Variants in PCDH15 observed in about 807,000 individuals in gnomAD.
PCDH15 encodes the protein protocadherin-15.
A neutral mutation model predicts 178.5 loss-of-function variants in PCDH15; 129 were observed. That is an observed-to-expected ratio of 0.72 (90% CI 0.63 to 0.84). The LOEUF is 0.84. Ranked by LOEUF, PCDH15 falls within the 40% of genes least tolerant of loss-of-function variation. The probability of loss-of-function intolerance (pLI) is 0.00; values close to 1 mark genes in which losing one functional copy is unlikely to be tolerated. For synonymous variants in PCDH15, 800 were observed against 732.0 expected (o/e 1.09, Z -1.50); for missense variants, 2,230 against 2,099.9 (o/e 1.06, Z -1.21).
At chr10:55,176,731 C>T (rs1316569791) in intron 1 of PCDH15, among the ~76,000 whole-genome samples, 1 of 152,092 alleles carries the variant, frequency 6.6e-6, no homozygotes, top group Non-Finnish European at 1.5e-5. Context: ...CCTGCTAACT[C>T]AAGTACCTGA....
At chr10:55,354,478 C>T (rs1487225942) in intron 2 of PCDH15, among the ~76,000 whole-genome samples, 4 of 152,080 alleles carry the variant, frequency 2.6e-5, no homozygotes, top group African/African-American at 4.8e-5. Context: ...CCGACGACCT[C>T]ATATTTTCTC....
At chr10:54,622,699 T>TTATATAATATATA in intron 2 of PCDH15, among the ~76,000 whole-genome samples, 1 of 74,252 alleles carries the variant, frequency 1.3e-5, no homozygotes, top group East Asian at 3.6e-4. Flanking sequence ...TAATATATAT[T>TTATATAATATATA]TTCTATATAT....
intron 3 of PCDH15, among the ~76,000 whole-genome samples, chr10:54,519,826 C>G (rs2082654321): frequency 6.6e-6 from 1 of 152,124 alleles, no homozygotes; most frequent in South Asian, 2.1e-4. Context: ...TGCAAGGCTA[C>G]AGTAACCAAA....
chr10:55,468,141 A>G (rs920962747), intron 2 of PCDH15, among the ~76,000 whole-genome samples: 3 of 151,944 alleles, frequency 2.0e-5, no homozygotes, highest in Admixed American at 6.6e-5. Flanking sequence ...AGCAGGGGGG[A>G]AAAGTTAGTG....
chr10:54,894,291 G>A (rs1954513100), intron 3 of PCDH15, among the ~76,000 whole-genome samples: 1 of 152,124 alleles, frequency 6.6e-6, no homozygotes, highest in African/African-American at 2.4e-5. Context: ...TACTTATAGA[G>A]TATACATGAT....
intron 6 of PCDH15, among the ~76,000 whole-genome samples, chr10:54,340,773 T>C (rs1019913539): frequency 6.6e-6 from 1 of 152,098 alleles, no homozygotes; most frequent in African/African-American, 2.4e-5. Flanking sequence ...TCCCTTGATT[T>C]TTCTTTTGGG....
At chr10:54,375,843 T>C (rs1238089529) in intron 4 of PCDH15, among the ~76,000 whole-genome samples, 8 of 142,376 alleles carry the variant, frequency 5.6e-5, no homozygotes, top group Admixed American at 3.5e-4. Flanking sequence ...GGAATATATA[T>C]ATATAATATA....
intron 1 of PCDH15, among the ~76,000 whole-genome samples, chr10:54,791,898 G>A (rs1227671346): frequency 1.3e-5 from 2 of 151,860 alleles, no homozygotes; most frequent in Non-Finnish European, 2.9e-5. Flanking sequence ...AGGGAGAGTA[G>A]CACCTTTACA....
chr10:55,549,128 A>G (rs2132085679), intron 2 of PCDH15, among the ~76,000 whole-genome samples: 1 of 152,072 alleles, frequency 6.6e-6, no homozygotes, highest in Non-Finnish European at 1.5e-5. Context: ...AAGAATTGAC[A>G]TATCTAATTA....
intron 1 of PCDH15, among the ~76,000 whole-genome samples, chr10:54,750,106 C>G (rs1381648922): frequency 6.6e-6 from 1 of 152,034 alleles, no homozygotes. Context: ...CTCTCTTTCT[C>G]TCTTTCTCTC....
At chr10:55,317,904 GGGTCTGCTAAA>G (rs1171259391) in intron 1 of PCDH15, among the ~76,000 whole-genome samples, 1 of 152,134 alleles carries the variant, frequency 6.6e-6, no homozygotes, top group Non-Finnish European at 1.5e-5. Flanking sequence ...AATTATGTTT[GGGTCTGCTAAA>G]AACTATTCCT....
In PCDH15 at chr10:55,108,583, A is replaced by C. The variant is rs182445337; in HGVS notation, c.-80+57993T>G. On this transcript the variant is annotated intron_variant, in intron 2 of 5. Transcript: ENST00000458638. ...ATTAGGTATGATTTTTATTTGTTCT[A>C]AAATATACTTTTCTGTTATAATTTA... is the stretch of plus-strand genomic sequence containing the variant. 2.7e-3 allele frequency among the ~76,000 whole-genome samples: 414 copies of C among 152,270 alleles called. 3 individuals are homozygous for C. The highest frequency in any genetic ancestry group is 4.4e-3 in the Non-Finnish European group (301 of 68,014).
At chr10:54,781,868 A>G (rs553207355) in intron 1 of PCDH15, among the ~76,000 whole-genome samples, 140 of 152,294 alleles carry the variant, frequency 9.2e-4, no homozygotes, top group African/African-American at 3.2e-3. Flanking sequence ...CCTGCTTTCA[A>G]TTACCTAACA....
chr10:54,983,993 A>T (rs1042118693), intron 2 of PCDH15, among the ~76,000 whole-genome samples: 1 of 152,192 alleles, frequency 6.6e-6, no homozygotes, highest in African/African-American at 2.4e-5. Context: ...GGATTGAGGA[A>T]ATGAGGAGGA....
At chr10:54,779,527 C>CACACATATATGTGTGTGTATATATATAT (rs1566224083) in intron 1 of PCDH15, among the ~76,000 whole-genome samples, 1 of 117,520 alleles carries the variant, frequency 8.5e-6, no homozygotes, top group African/African-American at 2.9e-5. Context: ...TATATATATA[C>CACACATATATGTGTGTGTATATATATAT]ACACACATAT....
At chr10:53,978,994 T>C (rs1249745439) in intron 21 of PCDH15, among the ~76,000 whole-genome samples, 1 of 152,130 alleles carries the variant, frequency 6.6e-6, no homozygotes, top group East Asian at 1.9e-4. Context: ...CACATCTTCT[T>C]GTCTTCTTCT....
At chr10:53,940,842 A>T (rs1354365416) in intron 24 of PCDH15, 24 bp downstream of exon 24, 2 of 1,513,376 alleles carry the variant, frequency 1.3e-6, no homozygotes, top group Admixed American at 3.3e-5. Context: ...TGATGGTGAG[A>T]ACACAAACTA....
At chr10:55,364,661 G>T (rs186527999) in intron 2 of PCDH15, among the ~76,000 whole-genome samples, 3 of 151,972 alleles carry the variant, frequency 2.0e-5, no homozygotes, top group Admixed American at 2.0e-4. Context: ...ATTTTTTTCT[G>T]TTCCATAATA....
chr10:54,235,378 A>C (rs1002716887), intron 9 of PCDH15, among the ~76,000 whole-genome samples: 2 of 152,232 alleles, frequency 1.3e-5, no homozygotes, highest in Non-Finnish European at 2.9e-5. Flanking sequence ...AAGAATGCAC[A>C]TAACTTTTAA....
Sources: gnomAD v4.1 joint callset for allele counts (sites outside exome capture counted in the v4.1 genomes callset) on GRCh38, gnomAD v4.1.1 for gene constraint, MANE v1.5 for transcripts, NCBI Gene and HGNC (gene_info 2026-07-23, HGNC 2026-07-21) for gene names.